Variants in CACNG6 observed in about 807,000 individuals in gnomAD.
CACNG6 encodes the protein voltage-dependent calcium channel gamma-6 subunit.
Under a neutral mutation model 23.9 loss-of-function variants are expected in CACNG6, and 21 were observed. The ratio of observed to expected loss-of-function variants is 0.88; its 90% CI spans 0.62 to 1.26. The LOEUF is 1.26. Ranked by LOEUF, CACNG6 falls within the 50% of genes most tolerant of loss-of-function variation. The pLI, the probability that CACNG6 is intolerant of heterozygous loss-of-function variation, is 0.00. For missense variants in CACNG6, 340 were observed against 352.9 expected, an observed-to-expected ratio of 0.96 and a Z score of 0.29; for synonymous variants, 182 against 168.9, an observed-to-expected ratio of 1.08 and a Z score of -0.60.
chr19:53,991,623 C>T (rs1215867892), upstream of CACNG6, among the ~76,000 whole-genome samples: 1 of 151,176 alleles, frequency 6.6e-6, no homozygotes, highest in African/African-American at 2.4e-5. Context: ...CGAGGCCGGG[C>T]GCGGGCGGAG....
intron 1 of CACNG6, 143 bp downstream of exon 1, chr19:53,993,351 C>A: frequency 1.3e-6 from 1 of 788,602 alleles, no homozygotes; most frequent in Non-Finnish European, 1.9e-6. Flanking sequence ...GCGCCAGTGC[C>A]CACTTCGTCC....
chr19:54,003,560 C>CA (rs2069602645), intron 3 of CACNG6, among the ~76,000 whole-genome samples: 1 of 152,018 alleles, frequency 6.6e-6, no homozygotes, highest in South Asian at 2.1e-4. Flanking sequence ...TGGGTTTCTC[C>CA]ATGTTGGCCA....
intron 1 of CACNG6, among the ~76,000 whole-genome samples, chr19:53,997,319 T>C (rs2069530502): frequency 6.6e-6 from 1 of 152,224 alleles, no homozygotes; most frequent in South Asian, 2.1e-4. Flanking sequence ...GGACTGTCTG[T>C]GTCATTTACT....
chr19:54,007,284 G>A (rs760521834), intron 3 of CACNG6, among the ~76,000 whole-genome samples: 5 of 152,142 alleles, frequency 3.3e-5, no homozygotes, highest in African/African-American at 7.2e-5. Context: ...CCTGCGATCC[G>A]CTCGCCTTGG....
intron 3 of CACNG6, among the ~76,000 whole-genome samples, chr19:54,002,705 A>C (rs1199521863): frequency 1.3e-5 from 2 of 152,156 alleles, no homozygotes; most frequent in African/African-American, 4.8e-5. Flanking sequence ...CTGTTGATAT[A>C]AAAGTGTTTT....
chr19:53,997,586 C>A (rs544584099), intron 1 of CACNG6, among the ~76,000 whole-genome samples: 116 of 152,242 alleles, frequency 7.6e-4, no homozygotes, highest in African/African-American at 2.6e-3. Flanking sequence ...CTTGATATGA[C>A]CCTTTTAATG....
intron 1 of CACNG6, among the ~76,000 whole-genome samples, chr19:53,995,765 A>G (rs1221614244): frequency 1.3e-5 from 2 of 152,216 alleles, no homozygotes; most frequent in Non-Finnish European, 2.9e-5. Context: ...AGGTTCAAGC[A>G]ATTCTCCTGC....
chr19:54,001,120 C>T (rs1051349093), intron 3 of CACNG6, among the ~76,000 whole-genome samples: 1 of 151,962 alleles, frequency 6.6e-6, no homozygotes, highest in African/African-American at 2.4e-5. Context: ...ACTGTGTGGC[C>T]TTGGGAAGGT....
chr19:53,992,741 C>T lies in CACNG6; in HGVS notation c.-137C>T. On this transcript the variant is annotated 5_prime_UTR_variant, in exon 1 of 4. Coordinates refer to ENST00000252729, the MANE Select transcript of CACNG6 (RefSeq NM_145814.2). This position sits in a 1 kb window ranked among gnomAD's most constrained non-coding sequence, Gnocchi z 4.1. ...CGCATTTGAGATTCCAGACAGGACT[C>T]GGCTCTCCCTCTTTCATACCCAGGG... The T allele has an allele frequency of 2.1e-6, 1 of 485,908 alleles. No homozygotes were observed. Among genetic ancestry groups the T allele is most frequent in the Admixed American group, 3.7e-5 (1 of 27,114 alleles). The allele number at this position is 485,908 out of a possible 1,614,324, so 30.1% of individuals were successfully genotyped here.
rs2069467834 is a variant in CACNG6 at position 53,992,179 on chromosome 19, G to A, written c.-699G>A. 6.6e-6 allele frequency: 1 copy of A among 152,286 alleles called. No homozygotes were observed. The highest frequency in any genetic ancestry group is 2.4e-5 in the African/African-American group (1 of 41,450). The allele number at this position is 152,286 out of a possible 1,614,324, so 9.4% of individuals were successfully genotyped here. ...GCCAGGGCTCTGTTCTTCTCCTTCTGTGGATGCCGGGGTCCTACTGCCTCT... is the reference window on the plus strand; with the variant it reads ...GCCAGGGCTCTGTTCTTCTCCTTCTATGGATGCCGGGGTCCTACTGCCTCT... On this transcript the variant is annotated 5_prime_UTR_variant, in exon 1 of 4. In the 5' UTR this introduces an upstream ATG that the reference lacks. Coordinates refer to ENST00000252729, the MANE Select transcript of CACNG6 (RefSeq NM_145814.2). The surrounding 1 kb of genome is among the most constrained non-coding windows in gnomAD (Gnocchi z 4.1).
At chr19:54,006,682 C>T (rs971547796) in intron 3 of CACNG6, among the ~76,000 whole-genome samples, 10 of 151,412 alleles carry the variant, frequency 6.6e-5, no homozygotes, top group South Asian at 2.1e-4. Context: ...TACAGGCACC[C>T]GCCATGACAC....
At chr19:53,998,025 C>A (rs932233360) in intron 1 of CACNG6, among the ~76,000 whole-genome samples, 1 of 152,116 alleles carries the variant, frequency 6.6e-6, no homozygotes, top group South Asian at 2.1e-4. Flanking sequence ...GGCCACAGGT[C>A]TGGGGCTCAG....
chr19:54,009,061 A>C (rs1344234811), intron 3 of CACNG6, among the ~76,000 whole-genome samples: 2 of 152,114 alleles, frequency 1.3e-5, no homozygotes, highest in African/African-American at 4.8e-5. Flanking sequence ...GGCCAAGGTG[A>C]GTGGATCGCT....
rs916117934 is a variant in CACNG6, at chr19:53,992,786, C to G, written c.-92C>G. 15 of 803,334 alleles carry G rather than the reference C, an allele frequency of 1.9e-5. No homozygotes were observed. The highest frequency in any genetic ancestry group is 2.7e-5 in the Non-Finnish European group (15 of 561,906). The allele number at this position is 803,334 out of a possible 1,614,324, so 49.8% of individuals were successfully genotyped here. On this transcript the variant is annotated 5_prime_UTR_variant, in exon 1 of 4. Transcript: ENST00000252729. This position sits in a 1 kb window ranked among gnomAD's most constrained non-coding sequence, Gnocchi z 4.1. ...CCAGGGGAAACTGAGTCCCTCACCCCCTTCAAGACCCCAGGCCGCTCCTCG... is the reference window on the plus strand; with the variant it reads ...CCAGGGGAAACTGAGTCCCTCACCCGCTTCAAGACCCCAGGCCGCTCCTCG...
Position 54,002,089 on chromosome 19 carries a change from C to CTT in CACNG6, c.544+2327_544+2328dup, listed in dbSNP as rs111730295. ...TCCCTATGTCTCTTTCTATCTCTCT[C>CTT]TTTTTTTTTTGTTTTTGAGACAGGG... On this transcript the variant is annotated intron_variant, in intron 3 of 3. Coordinates refer to ENST00000252729, the MANE Select transcript of CACNG6 (RefSeq NM_145814.2). Among the ~76,000 whole-genome samples, 6 of 147,234 alleles carry CTT rather than the reference C, an allele frequency of 4.1e-5. No individual in the cohort carries two copies. In the East Asian group the frequency reaches 7.9e-4, roughly 19 times the overall value.
At chr19:54,002,484 C>CTT (rs11305908) in intron 3 of CACNG6, among the ~76,000 whole-genome samples, 24 of 141,456 alleles carry the variant, frequency 1.7e-4, no homozygotes, top group Non-Finnish European at 2.3e-4. Context: ...TCTATTTCTC[C>CTT]TTTTTTTTTT....
At chr19:54,001,773 A>T (rs2069578156) in intron 3 of CACNG6, among the ~76,000 whole-genome samples, 1 of 152,140 alleles carries the variant, frequency 6.6e-6, no homozygotes, top group South Asian at 2.1e-4. Flanking sequence ...GTGTGGAGAG[A>T]GACAGGGAGA....
chr19:53,999,914 G>A, intron 3 of CACNG6, 143 bp downstream of exon 3: 1 of 1,036,912 alleles, frequency 9.6e-7, no homozygotes, highest in East Asian at 2.4e-5. Flanking sequence ...GCTGGGAGTA[G>A]GGTCTCCACA....
chr19:53,991,584 G>T (rs1338978469), upstream of CACNG6, among the ~76,000 whole-genome samples: 1 of 108,862 alleles, frequency 9.2e-6, no homozygotes, highest in East Asian at 2.2e-4. Context: ...AGGGTGGAGG[G>T]TGGAGGGTGG....
Sources: gnomAD v4.1 joint callset for allele counts (sites outside exome capture counted in the v4.1 genomes callset) on GRCh38, gnomAD v4.1.1 for gene constraint, Gnocchi (gnomAD v3.1) non-coding constraint, MANE v1.5 for transcripts, NCBI Gene and HGNC (gene_info 2026-07-23, HGNC 2026-07-21) for gene names.